The following NUP205 variants were observed in gnomAD, a reference collection of about 807,000 sequenced individuals.
The protein encoded by NUP205 is nucleoporin 205.
A neutral mutation model predicts 253.8 loss-of-function variants in NUP205; 76 were observed. The observed-to-expected ratio is 0.30, with a 90% CI of 0.25 to 0.36. The LOEUF (loss-of-function observed/expected upper bound fraction) is 0.36. Ranked by LOEUF, NUP205 falls within the 10% of genes least tolerant of loss-of-function variation. The probability of loss-of-function intolerance (pLI) is 1.00; values close to 1 mark genes in which losing one functional copy is unlikely to be tolerated. For missense variants in NUP205, 2,162 were observed against 2,425.5 expected (o/e 0.89, Z 2.28); for synonymous variants, 832 against 850.1 (o/e 0.98, Z 0.37).
At position 135,605,853 on chromosome 7, in the gene NUP205, ATTT is replaced by A. The variant is rs202096156; in HGVS notation, c.2824-278_2824-276del. 3.9e-4 allele frequency among the ~76,000 whole-genome samples: 56 copies of A among 144,300 alleles called. 1 individual carries two copies. The highest frequency in any genetic ancestry group is 9.9e-4 in the African/African-American group (39 of 39,568). The allele number at this position is 144,300 out of a possible 152,430, so 94.7% of individuals were successfully genotyped here. A position where few individuals can be genotyped will look rare whatever the true frequency, so the allele number is the denominator to read the frequency against. ...GAGGTCAGTAAACAGCAATTTCGTG[ATTT>A]TTTTTTTTTTTTTAACTAGCTTGAT... On this transcript the variant is annotated intron_variant, in intron 19 of 42. Coordinates refer to ENST00000285968, the MANE Select transcript of NUP205 (RefSeq NM_015135.3).
At chr7:135,583,882 T>C (rs77586086) in intron 7 of NUP205, among the ~76,000 whole-genome samples, 5,088 of 151,450 alleles carry the variant, frequency 0.034, 117 homozygotes, top group Middle Eastern at 0.1. Flanking sequence ...TTGCTCGTTT[T>C]CCAGGCTGGC....
Position 135,592,995 on chromosome 7 carries a change from A to G in NUP205, c.1633A>G (p.Ile545Val), listed in dbSNP as rs1806669540. ...GCTGTTTTTCTTTATAGTTGAAAATATTCAGGGAGCAGGTGGCAGTCCTGT... is the reference window on the plus strand; with the variant it reads ...GCTGTTTTTCTTTATAGTTGAAAATGTTCAGGGAGCAGGTGGCAGTCCTGT... Reference protein sequence around the residue: ...KVNGSSHVENIQGAGGSPVSW... With the variant: ...KVNGSSHVENVQGAGGSPVSW... Residue 545 changes from isoleucine (I) to valine (V), a missense_variant, in exon 12 of 43, where the codon ATT (isoleucine) becomes GTT (valine). Ile to Val is a conservative substitution (Grantham distance 29). Around this residue, in one of 5 missense-constraint regions of NUP205, gnomAD observed 892 missense variants for 957.1 expected, o/e 0.93. Coordinates refer to ENST00000285968, the MANE Select transcript of NUP205 (RefSeq NM_015135.3). 6.2e-7 allele frequency: 1 copy of G among 1,610,980 alleles called. No individual in the cohort carries two copies. The highest frequency in any genetic ancestry group is 1.1e-5 in the South Asian group (1 of 90,952).
intron 1 of NUP205, among the ~76,000 whole-genome samples, chr7:135,566,319 G>T (rs1160140347): frequency 2.0e-5 from 3 of 152,052 alleles, no homozygotes; most frequent in African/African-American, 7.2e-5. Flanking sequence ...ATGTTGGCCA[G>T]ACTGGTCTTG....
At position 135,619,540 on chromosome 7, in the gene NUP205, G is replaced by A. The variant is rs1408415010; in HGVS notation, c.4081G>A (p.Gly1361Arg). Residue 1361 changes from glycine (G) to arginine (R), a missense_variant, in exon 29 of 43, where the codon GGA (glycine) becomes AGA (arginine). Transcript: ENST00000285968. ...LTEQKETSVL[G>R]PAEAHYAFML... ...TGAACAGAAGGAAACATCAGTCTTG[G>A]GACCAGCAGAGGCCCATTACGCTTT... 1 of 1,614,062 alleles carries A rather than the reference G, an allele frequency of 6.2e-7. No individual in the cohort carries two copies. Among genetic ancestry groups the A allele is most frequent in the South Asian group, 1.1e-5 (1 of 91,072 alleles).
At chr7:135,589,541 G>A (rs1427585727) in intron 10 of NUP205, among the ~76,000 whole-genome samples, 1 of 151,252 alleles carries the variant, frequency 6.6e-6, no homozygotes, top group Non-Finnish European at 1.5e-5. Context: ...ACTCGCCTCA[G>A]CCTCCCAAAG....
intron 30 of NUP205, among the ~76,000 whole-genome samples, chr7:135,620,750 C>A (rs915780875): frequency 6.6e-6 from 1 of 152,004 alleles, no homozygotes; most frequent in Non-Finnish European, 1.5e-5. Flanking sequence ...AAATGAATGA[C>A]CTTCTCCAGT....
intron 37 of NUP205, 38 bp from the exon 38 acceptor site, chr7:135,638,519 A>G (rs1426652161): frequency 1.3e-6 from 2 of 1,596,950 alleles, no homozygotes; most frequent in Admixed American, 1.7e-5. Flanking sequence ...GAGACATTTC[A>G]GGGTCTTAAC....
At chr7:135,565,098 G>A (rs1805713704) in intron 1 of NUP205, among the ~76,000 whole-genome samples, 1 of 152,078 alleles carries the variant, frequency 6.6e-6, no homozygotes, top group African/African-American at 2.4e-5. Context: ...TTAATTGGAT[G>A]CCTACCATTA....
chr7:135,630,306 C>CT, intron 34 of NUP205, 38 bp from the exon 35 acceptor site: 1 of 1,473,696 alleles, frequency 6.8e-7, no homozygotes, highest in Non-Finnish European at 9.1e-7. Context: ...TCTACTTCTA[C>CT]CTGTTTTTTC....
In NUP205 at chr7:135,604,333, T is replaced by G. The variant is rs759810640; in HGVS notation, c.2703-7T>G. The G allele has an allele frequency of 6.3e-6, 10 of 1,590,658 alleles. 1 individual carries two copies. In the South Asian group the frequency reaches 1.2e-4, roughly 18 times the overall value. ...ACTGTTCCTCAAATGTTTTCTTTTC[T>G]TTAAAGATACCTATATCATGGCAAT... On this transcript the variant is annotated splice_polypyrimidine_tract_variant and splice_region_variant and intron_variant, in intron 18 of 42. Coordinates refer to ENST00000285968, the MANE Select transcript of NUP205 (RefSeq NM_015135.3).
chr7:135,624,763 G>C (rs888015506), intron 31 of NUP205, among the ~76,000 whole-genome samples: 2 of 152,192 alleles, frequency 1.3e-5, no homozygotes, highest in African/African-American at 4.8e-5. Flanking sequence ...ATACAGGGGT[G>C]AGCCACTGTG....
At chr7:135,605,540 C>T (rs1279028713) in intron 19 of NUP205, among the ~76,000 whole-genome samples, 1 of 152,160 alleles carries the variant, frequency 6.6e-6, no homozygotes, top group African/African-American at 2.4e-5. Context: ...GGTGGTACCA[C>T]CCAGCATGAG....
In NUP205 at chr7:135,644,747, GCTT is replaced by G; in HGVS notation, c.5560-144_5560-142del. On this transcript the variant is annotated intron_variant, in intron 39 of 42. Transcript: ENST00000285968. ...TGGCTGTAATTTTTAAAAATTGCTA[GCTT>G]CTTAGATAAAAACTCTTATCTGCAA... The G allele has an allele frequency of 2.8e-6, 2 of 702,216 alleles. 1 individual carries two copies. The highest frequency in any genetic ancestry group is 4.8e-5 in the South Asian group (2 of 41,838). 43.5% of individuals were successfully genotyped at this position (702,216 alleles called of 1,614,324 possible).
intron 30 of NUP205, among the ~76,000 whole-genome samples, chr7:135,621,573 G>A (rs1307515785): frequency 6.6e-6 from 1 of 152,134 alleles, no homozygotes; most frequent in Non-Finnish European, 1.5e-5. Context: ...TAATGTACTT[G>A]TGAAATTTTT....
intron 31 of NUP205, among the ~76,000 whole-genome samples, chr7:135,624,958 A>G (rs1185435035): frequency 6.6e-6 from 1 of 152,134 alleles, no homozygotes; most frequent in East Asian, 1.9e-4. Context: ...TTTACCTGAG[A>G]GCTTTCCTTT....
At chr7:135,601,624 CTG>C (rs2129490549) in intron 17 of NUP205, 117 bp downstream of exon 17, 1 of 1,135,748 alleles carries the variant, frequency 8.8e-7, no homozygotes, top group Admixed American at 2.4e-5. Flanking sequence ...GATTCTCTCT[CTG>C]TATCTGAAGT....
intron 22 of NUP205, among the ~76,000 whole-genome samples, chr7:135,607,989 A>C (rs559205425): frequency 2.1e-5 from 3 of 144,674 alleles, no homozygotes; most frequent in Non-Finnish European, 4.5e-5. Flanking sequence ...TTTAGTAGAG[A>C]TGGTGTTTTG....
intron 22 of NUP205, among the ~76,000 whole-genome samples, chr7:135,607,643 G>A (rs1794116446): frequency 6.6e-6 from 1 of 152,166 alleles, no homozygotes; most frequent in Admixed American, 6.5e-5. Context: ...CAACAGTGCT[G>A]TGTTTAAAGT....
intron 38 of NUP205, among the ~76,000 whole-genome samples, chr7:135,642,655 A>T (rs1794934868): frequency 6.6e-6 from 1 of 152,216 alleles, no homozygotes; most frequent in Admixed American, 6.5e-5. Flanking sequence ...AAATCCATTT[A>T]TATTTTTTGA....
Sources: gnomAD v4.1 joint callset for allele counts (sites outside exome capture counted in the v4.1 genomes callset) on GRCh38, gnomAD v4.1.1 for gene constraint, gnomAD v4.1.1 regional missense constraint, MANE v1.5 for transcripts, NCBI Gene and HGNC (gene_info 2026-07-23, HGNC 2026-07-21) for gene names.